The following GRHL2 variants were observed in gnomAD, a reference collection of about 807,000 sequenced individuals.
The protein encoded by GRHL2 is grainyhead like transcription factor 2.
Under a neutral mutation model 83.8 loss-of-function variants are expected in GRHL2, and 21 were observed. The observed-to-expected ratio is 0.25, with a 90% CI of 0.18 to 0.36. GRHL2 has a LOEUF of 0.36. Ranked by LOEUF, GRHL2 falls within the 10% of genes least tolerant of loss-of-function variation. The pLI is 1.00. For synonymous variants in GRHL2, 280 were observed against 278.9 expected (o/e 1.00, Z -0.04); for missense variants, 623 against 781.8 (o/e 0.80, Z 2.42).
At position 101,521,252 on chromosome 8, in the gene GRHL2, G is replaced by A. The variant is rs529321254; in HGVS notation, c.21-21989G>A. ...TGGGGGTGAGGGTCTTTGAGTCAGA[G>A]CCAGCCATCAGAGGAGTCCCTGTTC... On this transcript the variant is annotated intron_variant, in intron 1 of 15. Coordinates refer to ENST00000646743, the MANE Select transcript of GRHL2 (RefSeq NM_024915.4). Among the ~76,000 whole-genome samples the A allele has an allele frequency of 2.0e-5, 3 of 152,324 alleles. No homozygotes were observed. The East Asian group carries it at 5.8e-4, about 29-fold the overall frequency.
chr8:101,656,681 T>C (rs1813792306), intron 14 of GRHL2, among the ~76,000 whole-genome samples: 1 of 152,230 alleles, frequency 6.6e-6, no homozygotes, highest in South Asian at 2.1e-4. Flanking sequence ...GTGTCATCAC[T>C]TCTGAAATGA....
At chr8:101,498,892 A>C (rs1040192933) in intron 1 of GRHL2, among the ~76,000 whole-genome samples, 1 of 151,956 alleles carries the variant, frequency 6.6e-6, no homozygotes, top group Non-Finnish European at 1.5e-5. Flanking sequence ...TGGCTAACAC[A>C]GTGAAACCCC....
intron 7 of GRHL2, among the ~76,000 whole-genome samples, chr8:101,581,267 A>G (rs2130253785): frequency 6.6e-6 from 1 of 152,258 alleles, no homozygotes; most frequent in East Asian, 1.9e-4. Flanking sequence ...TGGGTCGTAA[A>G]CTGTTTGGCA....
chr8:101,539,899 G>A (rs1174677234), intron 1 of GRHL2, among the ~76,000 whole-genome samples: 4 of 152,060 alleles, frequency 2.6e-5, no homozygotes, highest in East Asian at 1.9e-4. Context: ...TTTCTCACAC[G>A]CATGGCCCTG....
At chr8:101,576,124 A>G (rs1376346535) in intron 6 of GRHL2, among the ~76,000 whole-genome samples, 1 of 152,208 alleles carries the variant, frequency 6.6e-6, no homozygotes, top group Non-Finnish European at 1.5e-5. Context: ...GTTTGATGTT[A>G]ATTGGGAAGA....
At chr8:101,542,788 T>C (rs1563572174) in intron 1 of GRHL2, 3 of 456,476 alleles carry the variant, frequency 6.6e-6, no homozygotes, top group South Asian at 1.5e-5. Flanking sequence ...TGGGGAAAGA[T>C]GGAAGGGTAA....
chr8:101,570,739 G>A (rs1022948894), intron 5 of GRHL2, among the ~76,000 whole-genome samples: 2 of 151,974 alleles, frequency 1.3e-5, no homozygotes, highest in Admixed American at 1.3e-4. Context: ...TTCACACCTG[G>A]TGTTCTGCTT....
Position 101,603,117 on chromosome 8 carries a change from A to T in GRHL2, c.1098+3966A>T, listed in dbSNP as rs1812552541. On this transcript the variant is annotated intron_variant, in intron 8 of 15. Transcript: ENST00000646743. ...ACCACCTTGATCCAAATGTGAATACATATCAACAAGCTGGATAATACCACT... is the reference window on the plus strand; with the variant it reads ...ACCACCTTGATCCAAATGTGAATACTTATCAACAAGCTGGATAATACCACT... Among the ~76,000 whole-genome samples, 2 of 152,234 alleles carry T rather than the reference A, an allele frequency of 1.3e-5. 1 individual carries two copies. The highest frequency in any genetic ancestry group is 4.1e-4 in the South Asian group (2 of 4,832).
rs563431237 is a variant in GRHL2 at position 101,565,817 on chromosome 8, G to A, written c.679-4522G>A. Among the ~76,000 whole-genome samples the A allele has an allele frequency of 3.3e-5, 5 of 152,300 alleles. No individual in the cohort carries two copies. The East Asian group carries it at 9.6e-4, about 29-fold the overall frequency. ...ACTATTTATAAGTGAACATCGGACA[G>A]CTCTACTGTGTATTTCATAACTCAA... is the stretch of plus-strand genomic sequence containing the variant. On this transcript the variant is annotated intron_variant, in intron 4 of 15. Transcript: ENST00000646743.
At chr8:101,651,146 C>A (rs1427407325) in intron 14 of GRHL2, among the ~76,000 whole-genome samples, 1 of 152,202 alleles carries the variant, frequency 6.6e-6, no homozygotes, top group African/African-American at 2.4e-5. Context: ...AGGGGATAGA[C>A]TAAGCTGGAA....
At chr8:101,496,957 T>C (rs575509391) in intron 1 of GRHL2, among the ~76,000 whole-genome samples, 1 of 152,334 alleles carries the variant, frequency 6.6e-6, no homozygotes, top group East Asian at 1.9e-4. Context: ...GTTCTCTACT[T>C]AATAATCTGG....
intron 11 of GRHL2, among the ~76,000 whole-genome samples, chr8:101,633,493 A>T (rs1206656538): frequency 6.6e-6 from 1 of 152,176 alleles, no homozygotes; most frequent in Non-Finnish European, 1.5e-5. Flanking sequence ...TTTGTCCCCT[A>T]GTATTCTGTG....
At chr8:101,654,937 C>T (rs563533704) in intron 14 of GRHL2, among the ~76,000 whole-genome samples, 1 of 152,280 alleles carries the variant, frequency 6.6e-6, no homozygotes, top group Non-Finnish European at 1.5e-5. Flanking sequence ...AATCCCAACA[C>T]TTTGGGAGGT....
rs532509233 is a variant in GRHL2, at chr8:101,587,694, C to T, written c.1003+10175C>T. On this transcript the variant is annotated intron_variant, in intron 7 of 15. Coordinates refer to ENST00000646743, the MANE Select transcript of GRHL2 (RefSeq NM_024915.4). Reference sequence around the variant, plus strand: ...TGCATTTAAGGAAACTTCAGGCACTCTCATAGTATTATAGTTTTTAATATT... The same window carrying T: ...TGCATTTAAGGAAACTTCAGGCACTTTCATAGTATTATAGTTTTTAATATT... Among the ~76,000 whole-genome samples, 5 of 152,096 alleles carry T rather than the reference C, an allele frequency of 3.3e-5. No individual in the cohort carries two copies. The East Asian group carries it at 9.7e-4, about 29-fold the overall frequency.
At chr8:101,590,608 C>T (rs557744966) in intron 7 of GRHL2, among the ~76,000 whole-genome samples, 2 of 152,142 alleles carry the variant, frequency 1.3e-5, no homozygotes, top group South Asian at 2.1e-4. Context: ...GTTAACTCAC[C>T]GAAGGTCTCG....
chr8:101,621,153 G>A (rs1038679604), intron 9 of GRHL2, among the ~76,000 whole-genome samples: 2 of 152,024 alleles, frequency 1.3e-5, no homozygotes, highest in Non-Finnish European at 2.9e-5. Flanking sequence ...ACTTGAAAAT[G>A]ACCAACAGAA....
chr8:101,601,187 CACCCCA>C (rs1563601484), intron 8 of GRHL2, among the ~76,000 whole-genome samples: 47 of 150,832 alleles, frequency 3.1e-4, no homozygotes, highest in South Asian at 6.3e-4. Flanking sequence ...CACACACACA[CACCCCA>C]CCACCACCAC....
At chr8:101,507,465 C>G (rs1245682668) in intron 1 of GRHL2, among the ~76,000 whole-genome samples, 1 of 151,888 alleles carries the variant, frequency 6.6e-6, no homozygotes, top group Non-Finnish European at 1.5e-5. Flanking sequence ...GAAAATAACA[C>G]TTTTCTACCA....
At chr8:101,506,707 T>C (rs1375371470) in intron 1 of GRHL2, among the ~76,000 whole-genome samples, 1 of 152,194 alleles carries the variant, frequency 6.6e-6, no homozygotes, top group Non-Finnish European at 1.5e-5. Flanking sequence ...TTTAGGTCAT[T>C]GATACATAAT....
Sources: allele counts gnomAD v4.1 joint callset (sites outside exome capture counted in the v4.1 genomes callset), GRCh38; gene constraint gnomAD v4.1.1; transcripts MANE v1.5; gene names NCBI Gene and HGNC (gene_info 2026-07-23, HGNC 2026-07-21).